Variants in SNX29 observed in about 807,000 individuals in gnomAD.
SNX29 encodes sorting nexin 29, also known as sorting nexin-29.
In SNX29, 78 loss-of-function variants were observed where a neutral mutation model predicts 102.1. That is an observed-to-expected ratio of 0.76 (90% CI 0.64 to 0.92). SNX29 has a LOEUF of 0.92. Among genes scored for constraint, SNX29 ranks in the 40% least tolerant of loss-of-function variants. The probability of loss-of-function intolerance (pLI) is 0.00; values close to 1 mark genes in which losing one functional copy is unlikely to be tolerated. For synonymous variants in SNX29, 580 were observed against 414.5 expected, an observed-to-expected ratio of 1.40 and a Z score of -4.85; for missense variants, 1,280 against 1,061.7, an observed-to-expected ratio of 1.21 and a Z score of -2.86.
At chr16:12,401,316 T>C (rs549962513) in intron 17 of SNX29, among the ~76,000 whole-genome samples, 9 of 152,188 alleles carry the variant, frequency 5.9e-5, no homozygotes, top group Admixed American at 2.6e-4. Flanking sequence ...TTTTTAAAAA[T>C]TGAAATCATC....
chr16:12,430,851 T>TC (rs914404939), intron 18 of SNX29, among the ~76,000 whole-genome samples: 11 of 145,082 alleles, frequency 7.6e-5, no homozygotes, highest in African/African-American at 2.2e-4. Flanking sequence ...CTTGACGCAG[T>TC]CTTTTTTTTT....
intron 13 of SNX29, among the ~76,000 whole-genome samples, chr16:12,187,584 T>G (rs1298770876): frequency 6.6e-6 from 1 of 151,912 alleles, no homozygotes; most frequent in East Asian, 1.9e-4. Flanking sequence ...CTCCCAGTTG[T>G]GTTCTCTCCA....
chr16:12,416,330 A>G (rs79022265), intron 18 of SNX29, among the ~76,000 whole-genome samples: 3,139 of 152,302 alleles, frequency 0.021, 113 homozygotes, highest in African/African-American at 0.072. Flanking sequence ...ACAGTTAGAC[A>G]GGAGGAAGAA....
intron 11 of SNX29, among the ~76,000 whole-genome samples, chr16:12,115,836 G>A (rs973095523): frequency 3.3e-5 from 5 of 152,286 alleles, no homozygotes; most frequent in South Asian, 2.1e-4. Flanking sequence ...GCCCACTGAC[G>A]GAGAAGTGAG....
At position 12,346,934 on chromosome 16, in the gene SNX29, G is replaced by A. The variant is rs184700695; in HGVS notation, c.1783-9229G>A. Among the ~76,000 whole-genome samples the A allele has an allele frequency of 8.3e-4, 127 of 152,238 alleles. 6 individuals are homozygous for A. In the South Asian group the frequency reaches 0.023, roughly 27 times the overall value. ...GGGAGAAATGATGACCAACATTGGG[G>A]CCTGAGACCTGGCAGCCCCGTGGCC... On this transcript the variant is annotated intron_variant, in intron 15 of 20. Coordinates refer to ENST00000566228, the MANE Select transcript of SNX29 (RefSeq NM_032167.5).
intron 15 of SNX29, among the ~76,000 whole-genome samples, chr16:12,281,339 A>C (rs1384716438): frequency 6.6e-6 from 1 of 152,168 alleles, no homozygotes; most frequent in Non-Finnish European, 1.5e-5. Flanking sequence ...CAACTCATCT[A>C]TCTGCACATA....
intron 14 of SNX29, among the ~76,000 whole-genome samples, chr16:12,227,340 G>A (rs2077642153): frequency 6.6e-6 from 1 of 152,082 alleles, no homozygotes; most frequent in Non-Finnish European, 1.5e-5. Context: ...CAAATGATCT[G>A]CACCCCAGTG....
At chr16:12,210,659 C>T (rs1395863764) in intron 14 of SNX29, among the ~76,000 whole-genome samples, 2 of 152,028 alleles carry the variant, frequency 1.3e-5, no homozygotes, top group Non-Finnish European at 2.9e-5. Context: ...TTCTTTTTTC[C>T]AGCTGCATCC....
At chr16:11,994,680 C>A (rs539814046) in intron 1 of SNX29, among the ~76,000 whole-genome samples, 1 of 152,128 alleles carries the variant, frequency 6.6e-6, no homozygotes, top group Non-Finnish European at 1.5e-5. Flanking sequence ...GGTTGGGATT[C>A]GGTAGGTGGG....
rs1450657155 is a variant in SNX29, at chr16:11,976,755, G to T, written c.-52G>T. 2 of 1,261,342 alleles carry T rather than the reference G, an allele frequency of 1.6e-6. No homozygotes were observed. Among genetic ancestry groups the T allele is most frequent in the Non-Finnish European group, 2.0e-6 (2 of 986,110 alleles). The allele number at this position is 1,261,342 out of a possible 1,614,324, so 78.1% of individuals were successfully genotyped here. A position where few individuals can be genotyped will look rare whatever the true frequency, so the allele number is the denominator to read the frequency against. ...GCCTGTCTGGAGCTCGGCAGCCGCA[G>T]AAGCGGCAGCGGCGGCGGCGCGGCG... On this transcript the variant is annotated 5_prime_UTR_variant, in exon 1 of 21. Coordinates refer to ENST00000566228, the MANE Select transcript of SNX29 (RefSeq NM_032167.5).
At chr16:12,357,295 G>T (rs1162076662) in intron 16 of SNX29, among the ~76,000 whole-genome samples, 1 of 151,532 alleles carries the variant, frequency 6.6e-6, no homozygotes, top group Non-Finnish European at 1.5e-5. Context: ...TCAAATTCTG[G>T]GTATTATTTC....
chr16:12,521,302 C>T (rs79949500), intron 19 of SNX29, among the ~76,000 whole-genome samples: 2,745 of 152,126 alleles, frequency 0.018, 84 homozygotes, highest in African/African-American at 0.063. Flanking sequence ...CCATATTGGA[C>T]ATTCCTAGAG....
intron 13 of SNX29, among the ~76,000 whole-genome samples, chr16:12,165,553 C>T (rs2055982377): frequency 6.6e-6 from 1 of 152,118 alleles, no homozygotes; most frequent in Non-Finnish European, 1.5e-5. Context: ...TAAATATAAA[C>T]TTTACTTATT....
intron 15 of SNX29, among the ~76,000 whole-genome samples, chr16:12,280,392 T>TA (rs1322493823): frequency 3.3e-5 from 5 of 152,198 alleles, no homozygotes; most frequent in African/African-American, 1.2e-4. Context: ...TGTGGGGAGT[T>TA]ACTGCAGGGT....
intron 15 of SNX29, among the ~76,000 whole-genome samples, chr16:12,286,863 C>G (rs956795315): frequency 6.6e-6 from 1 of 152,102 alleles, no homozygotes; most frequent in African/African-American, 2.4e-5. Flanking sequence ...CTGAGTATTT[C>G]AGAATCTATC....
intron 12 of SNX29, among the ~76,000 whole-genome samples, chr16:12,128,653 A>C (rs1293424298): frequency 2.0e-5 from 3 of 151,904 alleles, no homozygotes; most frequent in Non-Finnish European, 4.4e-5. Context: ...GGGTTTCATC[A>C]TGTTGGCCAG....
At chr16:12,294,279 G>C (rs770268850) in intron 15 of SNX29, among the ~76,000 whole-genome samples, 22 of 152,136 alleles carry the variant, frequency 1.4e-4, no homozygotes, top group African/African-American at 2.7e-4. Context: ...GTCATCTCTT[G>C]GGTGAGGTGC....
intron 16 of SNX29, among the ~76,000 whole-genome samples, chr16:12,369,154 G>T (rs75559305): frequency 2.0e-4 from 28 of 140,316 alleles, no homozygotes; most frequent in African/African-American, 5.6e-4. Context: ...TTTTTTTTTT[G>T]AGACGGAGTT....
Position 12,568,484 on chromosome 16 carries a change from G to A in SNX29, c.2319-22G>A, listed in dbSNP as rs766659363. On this transcript the variant is annotated intron_variant, in intron 20 of 20. Coordinates refer to ENST00000566228, the MANE Select transcript of SNX29 (RefSeq NM_032167.5). ...TGCTTTTCATCCCCAGACTTAACCC[G>A]ATTCTCTCCCTGCTCTTTCAGCGAC... 6 of 1,608,154 alleles carry A rather than the reference G, an allele frequency of 3.7e-6. No individual in the cohort carries two copies. The East Asian group carries it at 8.9e-5, about 24-fold the overall frequency.
Sources: gnomAD v4.1 joint callset for allele counts (sites outside exome capture counted in the v4.1 genomes callset) on GRCh38, gnomAD v4.1.1 for gene constraint, MANE v1.5 for transcripts, NCBI Gene and HGNC (gene_info 2026-07-23, HGNC 2026-07-21) for gene names.